Variants in STRN3 observed in about 807,000 individuals in gnomAD.
The protein encoded by STRN3 is striatin 3.
Under a neutral mutation model 95.6 loss-of-function variants are expected in STRN3, and 29 were observed. The observed-to-expected ratio is 0.30, with a 90% CI of 0.23 to 0.41. The LOEUF is 0.41. Ranked by LOEUF, STRN3 falls within the 10% of genes least tolerant of loss-of-function variation. The probability of loss-of-function intolerance (pLI) is 1.00; values close to 1 mark genes in which losing one functional copy is unlikely to be tolerated. For missense variants in STRN3, 890 were observed against 972.1 expected (o/e 0.92, Z 1.12); for synonymous variants, 331 against 357.6 (o/e 0.93, Z 0.84).
At chr14:30,976,830 C>T (rs1278597950) in intron 1 of STRN3, among the ~76,000 whole-genome samples, 2 of 152,222 alleles carry the variant, frequency 1.3e-5, no homozygotes, top group African/African-American at 4.8e-5. Flanking sequence ...TGGCTCACAC[C>T]TGTAATACTA....
At chr14:30,949,422 C>T (rs1594481673) in intron 4 of STRN3, among the ~76,000 whole-genome samples, 1 of 152,158 alleles carries the variant, frequency 6.6e-6, no homozygotes, top group East Asian at 1.9e-4. Context: ...ACCATCTTGG[C>T]CAACATGGTG....
chr14:30,942,884 T>C (rs1204963007), intron 5 of STRN3, among the ~76,000 whole-genome samples: 3 of 152,250 alleles, frequency 2.0e-5, no homozygotes, highest in Admixed American at 1.3e-4. Context: ...TTTACATTAA[T>C]TCATTCCTTC....
In STRN3 at chr14:30,929,216, T is replaced by TC. The variant is rs1780187931; in HGVS notation, c.1083dup (p.Lys362GlufsTer18). On this transcript the variant is annotated frameshift_variant, in exon 8 of 18. Transcript: ENST00000357479. LOFTEE classifies it high-confidence loss of function. Reference sequence around the variant, plus strand: ...CTGCACTTACTCTTCACCCCTTTCTTCCCCTTTCGTTCCTTCTTGTACTGT... The same window carrying TC: ...CTGCACTTACTCTTCACCCCTTTCTTCCCCCTTTCGTTCCTTCTTGTACTGT... 2 of 1,609,592 alleles carry TC rather than the reference T, an allele frequency of 1.2e-6. No homozygotes were observed. The highest frequency in any genetic ancestry group is 1.7e-6 in the Non-Finnish European group (2 of 1,178,330).
intron 1 of STRN3, among the ~76,000 whole-genome samples, chr14:30,960,506 C>CA (rs1215074577): frequency 6.6e-6 from 1 of 151,008 alleles, no homozygotes; most frequent in Admixed American, 6.6e-5. Flanking sequence ...GATGGCAGTG[C>CA]AGAACATTGA....
chr14:31,009,685 A>C (rs1430586093), intron 1 of STRN3, among the ~76,000 whole-genome samples: 2 of 151,926 alleles, frequency 1.3e-5, no homozygotes, highest in Non-Finnish European at 2.9e-5. Flanking sequence ...AATATTAAAA[A>C]CTAATATAAA....
intron 7 of STRN3, among the ~76,000 whole-genome samples, chr14:30,934,808 T>G (rs1364945375): frequency 6.6e-6 from 1 of 152,138 alleles, no homozygotes; most frequent in Non-Finnish European, 1.5e-5. Context: ...TAAATCTTCC[T>G]AAATCTAGAA....
At chr14:30,932,424 T>G (rs1878585876) in intron 7 of STRN3, 2 of 152,126 alleles carry the variant, frequency 1.3e-5, no homozygotes, top group Admixed American at 1.3e-4. Flanking sequence ...GTAGAAATGA[T>G]GAACTTTGGA....
At chr14:30,923,881 C>T (rs575269861) in intron 8 of STRN3, among the ~76,000 whole-genome samples, 12 of 152,138 alleles carry the variant, frequency 7.9e-5, no homozygotes, top group East Asian at 7.7e-4. Flanking sequence ...TCAGATGCTT[C>T]GTTCATACTG....
rs139110242 is a variant in STRN3, at chr14:30,949,503, C to T, written c.542+1360G>A. On this transcript the variant is annotated intron_variant, in intron 4 of 17. Transcript: ENST00000357479. ...GCATGCACCTGTAGTCCCAGCTACT[C>T]GGGAGGCAGAGGCAGAAGAATTGCT... Among the ~76,000 whole-genome samples the T allele has an allele frequency of 4.4e-4, 67 of 152,104 alleles. No individual in the cohort carries two copies. The East Asian group carries it at 0.01, about 23-fold the overall frequency.
At chr14:30,965,164 C>A (rs987847411) in intron 1 of STRN3, among the ~76,000 whole-genome samples, 6 of 152,102 alleles carry the variant, frequency 3.9e-5, no homozygotes, top group Non-Finnish European at 7.4e-5. Context: ...CTAGGTCATT[C>A]AGAGGAGTCA....
intron 16 of STRN3, among the ~76,000 whole-genome samples, chr14:30,899,228 T>C (rs1896239299): frequency 6.6e-6 from 1 of 152,234 alleles, no homozygotes; most frequent in African/African-American, 2.4e-5. Flanking sequence ...ACATCCCTCA[T>C]TCATACTATA....
chr14:30,987,265 T>G (rs1057356479), intron 1 of STRN3, among the ~76,000 whole-genome samples: 8 of 152,158 alleles, frequency 5.3e-5, no homozygotes, highest in Non-Finnish European at 1.2e-4. Flanking sequence ...CCCAGCACTT[T>G]GGGAGGCCGA....
At chr14:31,008,148 G>A (rs950971894) in intron 1 of STRN3, among the ~76,000 whole-genome samples, 3 of 150,412 alleles carry the variant, frequency 2.0e-5, no homozygotes, top group South Asian at 4.2e-4. Context: ...CCAAGATCAC[G>A]CCGTTGCACT....
intron 8 of STRN3, among the ~76,000 whole-genome samples, chr14:30,924,234 CAAAAAACAACA>C (rs1411633168): frequency 1.2e-3 from 8 of 6,538 alleles, no homozygotes; most frequent in South Asian, 4.8e-3. Flanking sequence ...AACAAAAAAA[CAAAAAACAACA>C]AAAAAAAAAC....
chr14:30,901,766 C>A (rs560018350), intron 16 of STRN3, among the ~76,000 whole-genome samples: 2 of 152,038 alleles, frequency 1.3e-5, no homozygotes, highest in Non-Finnish European at 2.9e-5. Flanking sequence ...AAATCTGATT[C>A]GACTTCAATA....
intron 13 of STRN3, among the ~76,000 whole-genome samples, chr14:30,908,700 CT>C (rs1188625490): frequency 6.6e-6 from 1 of 152,190 alleles, no homozygotes; most frequent in Non-Finnish European, 1.5e-5. Flanking sequence ...TTCCTTCTGT[CT>C]CTTGGGTCAC....
Position 30,989,680 on chromosome 14 carries a change from T to G in STRN3, c.283-33438A>C, listed in dbSNP as rs147664372. ...TCACTGTGTTAGCCAGGATGGTCTC[T>G]ATCTCCTGACCTCGTGATCCATCCG... is the stretch of plus-strand genomic sequence containing the variant. On this transcript the variant is annotated intron_variant, in intron 1 of 17. Coordinates refer to ENST00000357479, the MANE Select transcript of STRN3 (RefSeq NM_001083893.2). 5.5e-3 allele frequency among the ~76,000 whole-genome samples: 830 copies of G among 152,024 alleles called. 6 individuals carry two copies. Among genetic ancestry groups the G allele is most frequent in the African/African-American group, 0.019 (782 of 41,412 alleles).
rs755895781 is a variant in STRN3 at position 30,929,328 on chromosome 14, AT to A, written c.989-18del. ...CATCTTTATCTACATGCAGCATATT[AT>A]TAAAAGAAAAAAAATCAGCAGTTGG... On this transcript the variant is annotated intron_variant, in intron 7 of 17. Transcript: ENST00000357479. 3.7e-6 allele frequency: 6 copies of A among 1,603,810 alleles called. No homozygotes were observed. In the Admixed American group the frequency reaches 8.5e-5, roughly 23 times the overall value.
chr14:30,938,404 A>T (rs1878929868), intron 5 of STRN3, among the ~76,000 whole-genome samples: 1 of 152,240 alleles, frequency 6.6e-6, no homozygotes, highest in Non-Finnish European at 1.5e-5. Flanking sequence ...TGACAAAAGT[A>T]GCATATCAAT....
Sources: allele counts gnomAD v4.1 joint callset (sites outside exome capture counted in the v4.1 genomes callset), GRCh38; gene constraint gnomAD v4.1.1; transcripts MANE v1.5; gene names NCBI Gene and HGNC (gene_info 2026-07-23, HGNC 2026-07-21).